Variants in ROR1 observed in about 807,000 individuals in gnomAD.
The protein encoded by ROR1 is inactive tyrosine-protein kinase transmembrane receptor ROR1.
In ROR1, 19 loss-of-function variants were observed where a neutral mutation model predicts 78.8. That is an observed-to-expected ratio of 0.24 (90% CI 0.17 to 0.35). The LOEUF (loss-of-function observed/expected upper bound fraction) is 0.35. Among genes scored for constraint, ROR1 ranks in the 10% least tolerant of loss-of-function variants. The pLI, the probability that ROR1 is intolerant of heterozygous loss-of-function variation, is 1.00. For missense variants in ROR1, 917 were observed against 1,177.8 expected, an observed-to-expected ratio of 0.78 and a Z score of 3.24; for synonymous variants, 386 against 433.6, an observed-to-expected ratio of 0.89 and a Z score of 1.36.
intron 1 of ROR1, among the ~76,000 whole-genome samples, chr1:63,941,886 A>C (rs1645843617): frequency 6.6e-6 from 1 of 152,200 alleles, no homozygotes; most frequent in Non-Finnish European, 1.5e-5. Flanking sequence ...AATAGTACTC[A>C]TGAGCCTCCG....
intron 4 of ROR1, chr1:64,113,550 C>T (rs545246966): frequency 1.3e-5 from 2 of 152,182 alleles, no homozygotes; most frequent in Admixed American, 1.3e-4. Context: ...GCAGATCATC[C>T]CCTCATCATG....
chr1:63,960,590 A>G (rs1326438373), intron 1 of ROR1, among the ~76,000 whole-genome samples: 1 of 152,174 alleles, frequency 6.6e-6, no homozygotes, highest in African/African-American at 2.4e-5. Context: ...TTGTTGCTCA[A>G]GTTTGACCAG....
intron 1 of ROR1, among the ~76,000 whole-genome samples, chr1:63,937,695 G>A (rs1439838052): frequency 6.6e-6 from 1 of 152,156 alleles, no homozygotes; most frequent in Non-Finnish European, 1.5e-5. Flanking sequence ...GAAGGTGCAG[G>A]TGGTTTTGGG....
chr1:63,892,893 C>T (rs372650412), intron 1 of ROR1, among the ~76,000 whole-genome samples: 1 of 152,160 alleles, frequency 6.6e-6, no homozygotes, highest in African/African-American at 2.4e-5. Flanking sequence ...CAAAGACTAG[C>T]TTTATGGCAA....
At position 64,014,721 on chromosome 1, in the gene ROR1, A is replaced by ATATATATATATATATATATATATATATG. The variant is rs200268487; in HGVS notation, c.163+5351_163+5352insTATATATATATATATATATATGTATATA. 7.2e-4 allele frequency among the ~76,000 whole-genome samples: 40 copies of ATATATATATATATATATATATATATATG among 55,310 alleles called. 1 individual carries two copies. Among genetic ancestry groups the ATATATATATATATATATATATATATATG allele is most frequent in the African/African-American group, 1.7e-3 (30 of 17,274 alleles). 36.3% of individuals were successfully genotyped at this position (55,310 alleles called of 152,430 possible). Reference sequence around the variant, plus strand: ...TTCTCTGTGCTGACAGACTATATATATATATACACATACGCACACTATATA... The same window carrying ATATATATATATATATATATATATATATG: ...TTCTCTGTGCTGACAGACTATATATATATATATATATATATATATATATATATGTATATACACATACGCACACTATATA... On this transcript the variant is annotated intron_variant, in intron 2 of 8. Coordinates refer to ENST00000371079, the MANE Select transcript of ROR1 (RefSeq NM_005012.4).
At chr1:63,884,766 A>G (rs1645345759) in intron 1 of ROR1, among the ~76,000 whole-genome samples, 1 of 152,160 alleles carries the variant, frequency 6.6e-6, no homozygotes, top group African/African-American at 2.4e-5. Context: ...GTGCTGGTAA[A>G]TGGAGGTAAG....
chr1:64,001,102 C>T (rs1453089362), intron 1 of ROR1, among the ~76,000 whole-genome samples: 2 of 152,066 alleles, frequency 1.3e-5, no homozygotes, highest in African/African-American at 2.4e-5. Context: ...ATGTTTGCAG[C>T]GAATGGTTAA....
intron 2 of ROR1, among the ~76,000 whole-genome samples, chr1:64,024,853 G>C (rs1023882669): frequency 6.6e-6 from 1 of 152,092 alleles, no homozygotes; most frequent in Admixed American, 6.5e-5. Flanking sequence ...CCATTTCTTT[G>C]ATAACTAAGG....
intron 4 of ROR1, among the ~76,000 whole-genome samples, chr1:64,073,352 T>TCCC (rs1647022995): frequency 6.6e-6 from 1 of 152,122 alleles, no homozygotes; most frequent in African/African-American, 2.4e-5. Context: ...TTTTACCCAT[T>TCCC]TTTCTCCATG....
intron 4 of ROR1, among the ~76,000 whole-genome samples, chr1:64,072,189 A>T (rs895500865): frequency 2.0e-5 from 3 of 152,220 alleles, no homozygotes; most frequent in African/African-American, 2.4e-5. Flanking sequence ...TATGCAAAGA[A>T]TTGCAAGGAT....
intron 2 of ROR1, among the ~76,000 whole-genome samples, chr1:64,048,406 G>A (rs1569625215): frequency 6.6e-6 from 1 of 152,182 alleles, no homozygotes; most frequent in East Asian, 1.9e-4. Context: ...CACTGAGGAT[G>A]CAGTGATGAC....
At chr1:63,955,656 G>A (rs975907368) in intron 1 of ROR1, among the ~76,000 whole-genome samples, 5 of 152,086 alleles carry the variant, frequency 3.3e-5, no homozygotes, top group African/African-American at 1.2e-4. Context: ...AAATGCCAAA[G>A]TTTCATTTAT....
chr1:63,901,808 A>G (rs1645487157), intron 1 of ROR1, among the ~76,000 whole-genome samples: 1 of 152,132 alleles, frequency 6.6e-6, no homozygotes, highest in Non-Finnish European at 1.5e-5. Context: ...TTAGATGGAG[A>G]TTGTGCTAGC....
intron 1 of ROR1, among the ~76,000 whole-genome samples, chr1:63,959,328 T>C (rs533884475): frequency 1.2e-4 from 18 of 152,098 alleles, no homozygotes; most frequent in Non-Finnish European, 7.4e-5. Context: ...AGATAAGATT[T>C]GGGTGGGGAC....
intron 4 of ROR1, among the ~76,000 whole-genome samples, chr1:64,075,321 G>T (rs1256662378): frequency 6.6e-6 from 1 of 152,118 alleles, no homozygotes; most frequent in South Asian, 2.1e-4. Context: ...ATATAGAGGG[G>T]GTTAAGATTA....
chr1:63,940,807 A>G (rs949335071), intron 1 of ROR1, among the ~76,000 whole-genome samples: 2 of 152,172 alleles, frequency 1.3e-5, no homozygotes, highest in Admixed American at 1.3e-4. Context: ...AGTGGAAAAA[A>G]TGGACAACAT....
chr1:63,980,237 A>T (rs1646199012), intron 1 of ROR1, among the ~76,000 whole-genome samples: 1 of 152,038 alleles, frequency 6.6e-6, no homozygotes, highest in Non-Finnish European at 1.5e-5. Context: ...GATTGGAGGA[A>T]TTTGAGGCCT....
rs201706633 is a variant in ROR1, at chr1:64,142,522, C to A, written c.1046C>A (p.Ala349Asp). The A allele has an allele frequency of 6.2e-7, 1 of 1,614,192 alleles. No homozygotes were observed. Among genetic ancestry groups the A allele is most frequent in the Non-Finnish European group, 8.5e-7 (1 of 1,180,024 alleles). Residue 349 changes from alanine (A) to aspartate (D), a missense_variant, in exon 7 of 9, where the codon GCC (alanine) becomes GAC (aspartate). Physicochemically the swap from Ala to Asp is moderately radical, Grantham distance 126. Transcript: ENST00000371079. ...SQYPHTHTFT[A>D]LRFPELNGGH... ...TATCCCCACACACACACTTTCACCG[C>A]CCTTCGTTTCCCAGAGCTGAATGGA...
chr1:64,031,110 C>G (rs529985551), intron 2 of ROR1, among the ~76,000 whole-genome samples: 1 of 152,160 alleles, frequency 6.6e-6, no homozygotes, highest in African/African-American at 2.4e-5. Flanking sequence ...TTGAGCAACC[C>G]GCCCGCCTCT....
Sources: gnomAD v4.1 joint callset for allele counts (sites outside exome capture counted in the v4.1 genomes callset) on GRCh38, gnomAD v4.1.1 for gene constraint, MANE v1.5 for transcripts, NCBI Gene and HGNC (gene_info 2026-07-23, HGNC 2026-07-21) for gene names.